HS6ST3: variants seen among roughly 807,000 people sequenced by gnomAD.
The protein encoded by HS6ST3 is heparan-sulfate 6-O-sulfotransferase 3.
In HS6ST3, 12 loss-of-function variants were observed where a neutral mutation model predicts 36.7. That is an observed-to-expected ratio of 0.33 (90% CI 0.21 to 0.53). The LOEUF (loss-of-function observed/expected upper bound fraction) is 0.53, where lower values mean the gene tolerates loss of function less well. Ranked by LOEUF, HS6ST3 falls within the 20% of genes least tolerant of loss-of-function variation. The pLI, the probability that HS6ST3 is intolerant of heterozygous loss-of-function variation, is 0.95. For missense variants in HS6ST3, 584 were observed against 640.9 expected, an observed-to-expected ratio of 0.91 and a Z score of 0.96; for synonymous variants, 240 against 257.5, an observed-to-expected ratio of 0.93 and a Z score of 0.65.
intron 1 of HS6ST3, among the ~76,000 whole-genome samples, chr13:96,412,020 T>A (rs970110104): frequency 7.9e-5 from 12 of 152,136 alleles, no homozygotes; most frequent in Non-Finnish European, 1.8e-4. Context: ...TTTCCTTTTT[T>A]TTTGAGACGG....
chr13:96,705,410 C>A (rs1239322448), intron 1 of HS6ST3, among the ~76,000 whole-genome samples: 1 of 152,196 alleles, frequency 6.6e-6, no homozygotes, highest in Non-Finnish European at 1.5e-5. Context: ...TACTCAAATT[C>A]TCCAGGTGAT....
At chr13:96,266,882 C>T (rs1286803701) in intron 1 of HS6ST3, among the ~76,000 whole-genome samples, 1 of 152,164 alleles carries the variant, frequency 6.6e-6, no homozygotes, top group African/African-American at 2.4e-5. Flanking sequence ...AATGGTCAGT[C>T]TGCGTATCCT....
chr13:96,796,716 G>T (rs892059614), intron 1 of HS6ST3, among the ~76,000 whole-genome samples: 1 of 152,022 alleles, frequency 6.6e-6, no homozygotes, highest in Non-Finnish European at 1.5e-5. Context: ...TAGGATTAGG[G>T]TACGTGAAAG....
chr13:96,286,658 C>G (rs1313510222), intron 1 of HS6ST3, among the ~76,000 whole-genome samples: 1 of 152,108 alleles, frequency 6.6e-6, no homozygotes, highest in Non-Finnish European at 1.5e-5. Context: ...TAAGTCTTTA[C>G]TTTGGGCAGT....
chr13:96,731,300 C>T (rs1876147382), intron 1 of HS6ST3, among the ~76,000 whole-genome samples: 1 of 152,148 alleles, frequency 6.6e-6, no homozygotes, highest in African/African-American at 2.4e-5. Flanking sequence ...ATGAGATCAA[C>T]TTTTTCATAT....
chr13:96,510,576 G>A (rs979233293), intron 1 of HS6ST3, among the ~76,000 whole-genome samples: 2 of 152,078 alleles, frequency 1.3e-5, no homozygotes, highest in Non-Finnish European at 2.9e-5. Context: ...CCCACTCTGT[G>A]AGATTTCTTG....
chr13:96,693,200 A>G (rs1442473565), intron 1 of HS6ST3, among the ~76,000 whole-genome samples: 8 of 152,300 alleles, frequency 5.3e-5, no homozygotes, highest in South Asian at 2.1e-4. Context: ...TAATAAAAAC[A>G]TAGAAACAGA....
At chr13:96,685,845 G>A (rs945675874) in intron 1 of HS6ST3, among the ~76,000 whole-genome samples, 6 of 151,916 alleles carry the variant, frequency 3.9e-5, no homozygotes, top group African/African-American at 1.5e-4. Flanking sequence ...CCACATGCCC[G>A]GCATGCCACT....
In HS6ST3 at chr13:96,837,830, C is replaced by T. The variant is rs1014148242; in HGVS notation, c.*4632C>T. 8.0e-5 allele frequency: 12 copies of T among 150,364 alleles called. No individual in the cohort carries two copies. The highest frequency in any genetic ancestry group is 2.5e-4 in the African/African-American group (10 of 40,192). 9.3% of individuals were successfully genotyped at this position (150,364 alleles called of 1,614,324 possible). A position where few individuals can be genotyped will look rare whatever the true frequency, so the allele number is the denominator to read the frequency against. ...CTATTAAGGGAAATCAATATAAACC[C>T]GCCCCCACCAACCAAAAAAAAAAAA... On this transcript the variant is annotated 3_prime_UTR_variant, in exon 2 of 2. Transcript: ENST00000376705.
chr13:96,563,866 G>A (rs1461202467), intron 1 of HS6ST3, among the ~76,000 whole-genome samples: 1 of 152,084 alleles, frequency 6.6e-6, no homozygotes, highest in East Asian at 1.9e-4. Flanking sequence ...TACTGTCTTA[G>A]CCCCAAGCCT....
chr13:96,200,155 C>G (rs1490084806), intron 1 of HS6ST3, among the ~76,000 whole-genome samples: 1 of 152,160 alleles, frequency 6.6e-6, no homozygotes, highest in African/African-American at 2.4e-5. Context: ...TCAAAAATGT[C>G]TGGCATAGTT....
At chr13:96,505,903 A>G (rs1467357524) in intron 1 of HS6ST3, among the ~76,000 whole-genome samples, 1 of 152,162 alleles carries the variant, frequency 6.6e-6, no homozygotes, top group Non-Finnish European at 1.5e-5. Context: ...ATTGTTTTAA[A>G]TGTAAAAGCA....
intron 1 of HS6ST3, among the ~76,000 whole-genome samples, chr13:96,592,906 A>G (rs577356273): frequency 1.3e-5 from 2 of 151,898 alleles, no homozygotes; most frequent in Non-Finnish European, 2.9e-5. Flanking sequence ...TAAATGCTTT[A>G]AGGTAGTCTT....
At chr13:96,808,784 A>G (rs1317164550) in intron 1 of HS6ST3, among the ~76,000 whole-genome samples, 3 of 152,232 alleles carry the variant, frequency 2.0e-5, no homozygotes, top group Non-Finnish European at 4.4e-5. Context: ...ATTGCAGAGA[A>G]TTTCACATGT....
intron 1 of HS6ST3, among the ~76,000 whole-genome samples, chr13:96,304,714 T>TCTTTCTTTCTTTC (rs1555296788): frequency 8.1e-6 from 1 of 123,568 alleles, no homozygotes; most frequent in Non-Finnish European, 1.7e-5. Flanking sequence ...TTTCTTTCTT[T>TCTTTCTTTCTTTC]TTTTTTTTTT....
At chr13:96,230,979 C>T (rs979608024) in intron 1 of HS6ST3, among the ~76,000 whole-genome samples, 1 of 150,654 alleles carries the variant, frequency 6.6e-6, no homozygotes, top group Admixed American at 6.6e-5. Flanking sequence ...GAAGTTAAGG[C>T]GGCTCCCACC....
intron 1 of HS6ST3, among the ~76,000 whole-genome samples, chr13:96,129,536 C>G (rs1204823362): frequency 6.6e-6 from 1 of 152,070 alleles, no homozygotes; most frequent in Non-Finnish European, 1.5e-5. Flanking sequence ...TGTATGAAAC[C>G]AAGAATGATT....
At chr13:96,826,308 C>T (rs1878646157) in intron 1 of HS6ST3, among the ~76,000 whole-genome samples, 1 of 152,058 alleles carries the variant, frequency 6.6e-6, no homozygotes, top group South Asian at 2.1e-4. Flanking sequence ...TAAAAGGTAT[C>T]AGTTTAGTTT....
intron 1 of HS6ST3, among the ~76,000 whole-genome samples, chr13:96,415,476 G>C (rs894696346): frequency 2.0e-5 from 3 of 152,150 alleles, no homozygotes; most frequent in Non-Finnish European, 4.4e-5. Flanking sequence ...TTTTTATTTG[G>C]ATTGAAACAC....
Sources: gnomAD v4.1 joint callset for allele counts (sites outside exome capture counted in the v4.1 genomes callset) on GRCh38, gnomAD v4.1.1 for gene constraint, MANE v1.5 for transcripts, NCBI Gene and HGNC (gene_info 2026-07-23, HGNC 2026-07-21) for gene names.